Variants in KCNH1 observed in about 807,000 individuals in gnomAD.
KCNH1 encodes voltage-gated delayed rectifier potassium channel KCNH1.
In KCNH1, 27 loss-of-function variants were observed where a neutral mutation model predicts 69.2. That is an observed-to-expected ratio of 0.39 (90% CI 0.29 to 0.54). KCNH1 has a LOEUF of 0.54. Ranked by LOEUF, KCNH1 falls within the 20% of genes least tolerant of loss-of-function variation. The pLI, the probability that KCNH1 is intolerant of heterozygous loss-of-function variation, is 0.68. For missense variants in KCNH1, 798 were observed against 1,261.6 expected, an observed-to-expected ratio of 0.63 and a Z score of 5.57; for synonymous variants, 456 against 487.7, an observed-to-expected ratio of 0.93 and a Z score of 0.86.
At chr1:211,065,988 G>A (rs1039393896) in intron 5 of KCNH1, among the ~76,000 whole-genome samples, 54 of 152,178 alleles carry the variant, frequency 3.5e-4, no homozygotes, top group African/African-American at 1.1e-3. Context: ...GAGCCTGGGA[G>A]GTCGAGGCTC....
intron 7 of KCNH1, among the ~76,000 whole-genome samples, chr1:210,917,272 A>AAAGG (rs1251880091): frequency 8.0e-5 from 12 of 149,330 alleles, no homozygotes; most frequent in African/African-American, 3.0e-4. Context: ...AGAAAGAAAG[A>AAAGG]AAGAAAGAAA....
chr1:210,812,882 G>A (rs1387012334), intron 7 of KCNH1, among the ~76,000 whole-genome samples: 7 of 152,186 alleles, frequency 4.6e-5, no homozygotes, highest in Non-Finnish European at 8.8e-5. Context: ...TGATAAGGAA[G>A]GAAAGATGGA....
intron 5 of KCNH1, among the ~76,000 whole-genome samples, chr1:211,049,910 G>A (rs935768231): frequency 9.9e-5 from 15 of 152,066 alleles, no homozygotes; most frequent in Admixed American, 3.3e-4. Context: ...TCATCTCCCT[G>A]GACAGTGGCA....
intron 10 of KCNH1, among the ~76,000 whole-genome samples, chr1:210,765,258 C>T (rs753720607): frequency 3.3e-5 from 5 of 152,044 alleles, no homozygotes; most frequent in East Asian, 1.9e-4. Flanking sequence ...GTAATGGTGG[C>T]GGGTGGAAGG....
At chr1:211,106,538 C>T (rs1244900024) in intron 2 of KCNH1, among the ~76,000 whole-genome samples, 2 of 151,744 alleles carry the variant, frequency 1.3e-5, no homozygotes, top group African/African-American at 4.8e-5. Flanking sequence ...TAATCCAGCA[C>T]TTTGGGAGGC....
At chr1:211,018,673 G>T in intron 6 of KCNH1, 110 bp downstream of exon 6, 1 of 885,696 alleles carries the variant, frequency 1.1e-6, no homozygotes, top group East Asian at 2.5e-5. Flanking sequence ...CCTCTGTTCT[G>T]GACATCAGTC....
rs759480468 is a variant in KCNH1 at position 211,082,889 on chromosome 1, T to C, written c.449A>G (p.Lys150Arg). 18 of 1,613,600 alleles carry C rather than the reference T, an allele frequency of 1.1e-5. No homozygotes were observed. Among genetic ancestry groups the C allele is most frequent in the Middle Eastern group, 1.6e-4 (1 of 6,082 alleles). Residue 150 changes from lysine (K) to arginine (R), a missense_variant, in exon 5 of 11, where the codon AAG (lysine) becomes AGG (arginine). This residue lies in a region of KCNH1 where 266 missense variants were observed against 457.2 expected (regional missense o/e 0.58). Coordinates refer to ENST00000271751, the MANE Select transcript of KCNH1 (RefSeq NM_172362.3). ...CAGTGCTCTTGTCAGCCGAGCAAAC[T>C]TCCCCCAGCCTGAAGCAAGTGGAAG... is the stretch of plus-strand genomic sequence containing the variant. ...IEDDSCKGWG[K>R]FARLTRALTS...
At chr1:210,868,968 G>C (rs1475418798) in intron 7 of KCNH1, among the ~76,000 whole-genome samples, 1 of 152,044 alleles carries the variant, frequency 6.6e-6, no homozygotes, top group Admixed American at 6.6e-5. Context: ...GAATAATTCT[G>C]TCAGCTTTTG....
At chr1:210,820,904 T>C (rs1684915517) in intron 7 of KCNH1, among the ~76,000 whole-genome samples, 1 of 152,122 alleles carries the variant, frequency 6.6e-6, no homozygotes, top group Non-Finnish European at 1.5e-5. Flanking sequence ...AAGCCTCCAG[T>C]AGGAGCACAG....
intron 10 of KCNH1, among the ~76,000 whole-genome samples, chr1:210,722,486 G>A (rs1445490154): frequency 1.3e-5 from 2 of 152,174 alleles, no homozygotes; most frequent in African/African-American, 2.4e-5. Flanking sequence ...GGGATCAGAA[G>A]TTCTGTGCCC....
intron 5 of KCNH1, among the ~76,000 whole-genome samples, chr1:211,039,166 C>T (rs772674676): frequency 1.3e-5 from 2 of 152,226 alleles, no homozygotes; most frequent in East Asian, 1.9e-4. Context: ...CCAACATACA[C>T]CTCAGACTGT....
intron 6 of KCNH1, among the ~76,000 whole-genome samples, chr1:211,014,082 T>C (rs1214249995): frequency 6.6e-6 from 1 of 152,138 alleles, no homozygotes; most frequent in African/African-American, 2.4e-5. Flanking sequence ...GAGCCAGGGA[T>C]AGAAAAAAGC....
chr1:210,750,881 CATTTTA>C (rs1558454257), intron 10 of KCNH1, among the ~76,000 whole-genome samples: 87 of 152,312 alleles, frequency 5.7e-4, no homozygotes, highest in African/African-American at 2.0e-3. Context: ...CTAATGTTCT[CATTTTA>C]CAATGAACAC....
chr1:210,832,446 T>C (rs151145257), intron 7 of KCNH1, among the ~76,000 whole-genome samples: 1 of 152,216 alleles, frequency 6.6e-6, no homozygotes, highest in Non-Finnish European at 1.5e-5. Context: ...AACTGCTCTG[T>C]TCTGATTTGT....
intron 6 of KCNH1, among the ~76,000 whole-genome samples, chr1:210,922,001 G>A (rs1055270933): frequency 6.6e-6 from 1 of 152,004 alleles, no homozygotes; most frequent in Non-Finnish European, 1.5e-5. Flanking sequence ...GCATAGCCTT[G>A]TCAATATAGA....
chr1:210,894,743 A>G (rs1314483342), intron 7 of KCNH1, among the ~76,000 whole-genome samples: 3 of 152,164 alleles, frequency 2.0e-5, no homozygotes, highest in Admixed American at 6.6e-5. Flanking sequence ...TCACCATGTA[A>G]TGCCCTCTGC....
At chr1:211,023,151 TAAATAAATAAATTAAA>T (rs1436460235) in intron 5 of KCNH1, among the ~76,000 whole-genome samples, 3 of 122,834 alleles carry the variant, frequency 2.4e-5, no homozygotes, top group African/African-American at 6.7e-5. Context: ...AATAAATAAA[TAAATAAATAAATTAAA>T]AATGCTGGTG....
chr1:210,958,717 C>T lies in KCNH1; in HGVS notation c.1033-38648G>A, dbSNP rs528769752. Among the ~76,000 whole-genome samples, 40 of 152,294 alleles carry T rather than the reference C, an allele frequency of 2.6e-4. No individual in the cohort carries two copies. In the South Asian group the frequency reaches 5.8e-3, roughly 22 times the overall value. ...TGATCAAATTGGCTACTGAAGCTTG[C>T]GCATGCATCACAAAGTTCTCCTACC... On this transcript the variant is annotated intron_variant, in intron 6 of 10. Transcript: ENST00000271751.
At chr1:210,740,341 C>CT (rs1682991552) in intron 10 of KCNH1, among the ~76,000 whole-genome samples, 1 of 151,552 alleles carries the variant, frequency 6.6e-6, no homozygotes, top group Non-Finnish European at 1.5e-5. Context: ...TCCCTCCTAT[C>CT]TTTTTTTCAG....
Sources: allele counts gnomAD v4.1 joint callset (sites outside exome capture counted in the v4.1 genomes callset), GRCh38; gene constraint gnomAD v4.1.1; regional missense constraint gnomAD v4.1.1; transcripts MANE v1.5; gene names NCBI Gene and HGNC (gene_info 2026-07-23, HGNC 2026-07-21).